TMEM260: variants seen among roughly 807,000 people sequenced by gnomAD.
The protein encoded by TMEM260 is transmembrane protein 260, also known as protein O-mannosyl-transferase TMEM260.
Under a neutral mutation model 88.9 loss-of-function variants are expected in TMEM260, and 82 were observed. That is an observed-to-expected ratio of 0.92 (90% confidence interval 0.77 to 1.11). The LOEUF (loss-of-function observed/expected upper bound fraction) is 1.11, where lower values mean the gene tolerates loss of function less well. Ranked by LOEUF, TMEM260 falls within the 50% of genes least tolerant of loss-of-function variation. The pLI is 0.00. For synonymous variants in TMEM260, 314 were observed against 309.3 expected (o/e 1.02, Z -0.16); for missense variants, 902 against 853.4 (o/e 1.06, Z -0.71).
At chr14:56,590,762 C>T (rs1321756473) in intron 3 of TMEM260, among the ~76,000 whole-genome samples, 1 of 152,218 alleles carries the variant, frequency 6.6e-6, no homozygotes, top group African/African-American at 2.4e-5. Flanking sequence ...GCTCTCCACT[C>T]AATTTCAGAT....
chr14:56,592,420 A>C (rs748029553), intron 3 of TMEM260, among the ~76,000 whole-genome samples: 6 of 152,180 alleles, frequency 3.9e-5, no homozygotes, highest in Non-Finnish European at 7.3e-5. Flanking sequence ...AGTACCTGGC[A>C]CGTGTTAGAT....
intron 12 of TMEM260, among the ~76,000 whole-genome samples, chr14:56,627,484 T>C (rs901361779): frequency 6.6e-6 from 1 of 152,198 alleles, no homozygotes; most frequent in African/African-American, 2.4e-5. Context: ...TTAGGAGATA[T>C]TTAACATGAT....
Position 56,648,152 on chromosome 14 carries a change from C to T in TMEM260, c.*655C>T, listed in dbSNP as rs1246272083. The T allele has an allele frequency of 6.6e-6, 1 of 150,936 alleles. No homozygotes were observed. The highest frequency in any genetic ancestry group is 2.4e-5 in the African/African-American group (1 of 41,136). The allele number at this position is 150,936 out of a possible 1,614,324, so 9.3% of individuals were successfully genotyped here. ...AAACTGGCGAGTAAAAAAGATTTTGCATTTACTTAATTAATTTTATATTTA... is the reference window on the plus strand; with the variant it reads ...AAACTGGCGAGTAAAAAAGATTTTGTATTTACTTAATTAATTTTATATTTA... On this transcript the variant is annotated 3_prime_UTR_variant, in exon 16 of 16. Coordinates refer to ENST00000261556, the MANE Select transcript of TMEM260 (RefSeq NM_017799.4).
chr14:56,579,649 T>C (rs1006993694), upstream of TMEM260: 7 of 373,184 alleles, frequency 1.9e-5, no homozygotes, highest in Admixed American at 1.4e-4. Context: ...CTCCTGGTGA[T>C]TAGGAACCTT....
chr14:56,659,492 C>G, the TMEM260 span, among the ~76,000 whole-genome samples: 1 of 152,184 alleles, frequency 6.6e-6, no homozygotes, highest in Non-Finnish European at 1.5e-5. Flanking sequence ...GGGCCTGAGC[C>G]TCTTCCTAGT....
chr14:56,592,260 A>T (rs951279982), intron 3 of TMEM260, among the ~76,000 whole-genome samples: 2 of 152,140 alleles, frequency 1.3e-5, no homozygotes, highest in African/African-American at 2.4e-5. Context: ...AATATTTTAA[A>T]TTTTTTTAGG....
intron 15 of TMEM260, among the ~76,000 whole-genome samples, chr14:56,643,000 C>A (rs527584753): frequency 2.0e-5 from 3 of 152,266 alleles, no homozygotes; most frequent in Non-Finnish European, 2.9e-5. Context: ...ATAACAGGCT[C>A]TGAAATTGAG....
intron 3 of TMEM260, among the ~76,000 whole-genome samples, chr14:56,589,285 G>A (rs1885704915): frequency 6.6e-6 from 1 of 151,988 alleles, no homozygotes; most frequent in Non-Finnish European, 1.5e-5. Flanking sequence ...TACAGTGCAG[G>A]GGATGTATTT....
intron 15 of TMEM260, among the ~76,000 whole-genome samples, chr14:56,639,868 A>G (rs926603836): frequency 6.6e-6 from 1 of 152,214 alleles, no homozygotes; most frequent in African/African-American, 2.4e-5. Context: ...TCCTATGCCC[A>G]CAGAACCTCA....
chr14:56,662,604 T>C, the TMEM260 span, among the ~76,000 whole-genome samples: 1 of 152,156 alleles, frequency 6.6e-6, no homozygotes. Context: ...CAACACTGCC[T>C]TTCAACACAC....
rs150811881 is a variant in TMEM260, at chr14:56,585,174, ATTTAC to A, written c.192+147_192+151del. The A allele has an allele frequency of 5.4e-3, 3,561 of 665,334 alleles. 86 individuals carry two copies. In the African/African-American group the frequency reaches 0.059, roughly 11 times the overall value. The allele number at this position is 665,334 out of a possible 1,614,324, so 41.2% of individuals were successfully genotyped here. ...TAACTTATAAGTACAGTACGTGACAATTTACTTTAAGTTTTAAATCCAATTAAACT... is the reference window on the plus strand; with the variant it reads ...TAACTTATAAGTACAGTACGTGACAATTTAAGTTTTAAATCCAATTAAACT... On this transcript the variant is annotated intron_variant, in intron 2 of 15. Coordinates refer to ENST00000261556, the MANE Select transcript of TMEM260 (RefSeq NM_017799.4).
rs1199749095 is a variant in TMEM260 at position 56,609,204 on chromosome 14, C to G, written c.735C>G (p.Ala245=). The G allele has an allele frequency of 2.5e-6, 4 of 1,613,966 alleles. No individual in the cohort carries two copies. The East Asian group carries it at 8.9e-5, about 36-fold the overall frequency. The part of the protein sequence containing the change: ...HLPISSYLNH[A]RWTWGDQTTL... ...CCATCTCATCTTACCTTAATCACGC[C>G]CGGTGGACCTGGGGAGACCAGACAA... is the stretch of plus-strand genomic sequence containing the variant. Residue 245 remains alanine, a synonymous_variant, in exon 6 of 16, where the codon GCC becomes GCG. Transcript: ENST00000261556.
intron 8 of TMEM260, among the ~76,000 whole-genome samples, chr14:56,616,823 C>T (rs1359961975): frequency 1.3e-5 from 2 of 152,042 alleles, no homozygotes; most frequent in Admixed American, 6.5e-5. Context: ...CATATATTGT[C>T]ATACCACTGC....
chr14:56,633,399 G>A, intron 13 of TMEM260: 2 of 374,782 alleles, frequency 5.3e-6, no homozygotes, highest in Non-Finnish European at 9.6e-6. Context: ...TGGTTGTGTG[G>A]ATACCATGAT....
intron 11 of TMEM260, among the ~76,000 whole-genome samples, chr14:56,624,930 A>G (rs564081234): frequency 6.6e-6 from 1 of 152,268 alleles, no homozygotes; most frequent in South Asian, 2.1e-4. Context: ...TCCACCTGAG[A>G]TCATCAGGCA....
At chr14:56,649,941 G>C, downstream of TMEM260, 1 of 333,720 alleles carries the variant, frequency 3.0e-6, no homozygotes, top group Middle Eastern at 4.8e-4. Context: ...TGAAAAACTA[G>C]TAAACTGAGC....
chr14:56,612,261 G>T lies in TMEM260; in HGVS notation c.833G>T (p.Gly278Val). The change falls in exon 7 of 16, where the codon GGA becomes GTA. Residue 278 changes from glycine to valine, a missense_variant. Gly to Val is a moderately radical substitution (Grantham distance 109). Coordinates refer to ENST00000261556, the MANE Select transcript of TMEM260 (RefSeq NM_017799.4). ...GTFSLAKSEI[G>V]SSMSEILLSQ... The stretch of plus-strand genomic sequence containing the variant: ...TGTGTTTAGGCCAAATCTGAAATAG[G>T]ATCCAGTATGTCTGAAATACTGCTG... 6.2e-7 allele frequency: 1 copy of T among 1,613,626 alleles called. No homozygotes were observed. Among genetic ancestry groups the T allele is most frequent in the Non-Finnish European group, 8.5e-7 (1 of 1,179,664 alleles).
At chr14:56,596,729 C>CTCCA (rs1482195389) in intron 3 of TMEM260, among the ~76,000 whole-genome samples, 1 of 143,146 alleles carries the variant, frequency 7.0e-6, no homozygotes, top group Non-Finnish European at 1.5e-5. Flanking sequence ...TGCCATTGCA[C>CTCCA]TCCAGCCTGG....
chr14:56,618,665 G>C lies in TMEM260; in HGVS notation c.1128G>C (p.Val376=). The part of the protein sequence containing the change: ...VLAGIGLAAV[V]SETNRVLNSN... ...CTGGCATTGGTTTGGCTGCAGTTGT[G>C]TCTGAGACTAACCGAGTGCTGAATA... Residue 376 remains valine (V), a synonymous_variant, in exon 10 of 16, where the codon GTG becomes GTC. Coordinates refer to ENST00000261556, the MANE Select transcript of TMEM260 (RefSeq NM_017799.4). 1 of 1,614,226 alleles carries C rather than the reference G, an allele frequency of 6.2e-7. No homozygotes were observed. The highest frequency in any genetic ancestry group is 8.5e-7 in the Non-Finnish European group (1 of 1,180,050).
Sources: allele counts gnomAD v4.1 joint callset (sites outside exome capture counted in the v4.1 genomes callset), GRCh38; gene constraint gnomAD v4.1.1; transcripts MANE v1.5; gene names NCBI Gene and HGNC (gene_info 2026-07-23, HGNC 2026-07-21).